RGS6: variants seen among roughly 807,000 people sequenced by gnomAD.
RGS6 encodes the protein regulator of G protein signaling 6.
In RGS6, 30 loss-of-function variants were observed where a neutral mutation model predicts 78.5. The ratio of observed to expected loss-of-function variants is 0.38; its 90% CI spans 0.29 to 0.52. The LOEUF is 0.52. Among genes scored for constraint, RGS6 ranks in the 20% least tolerant of loss-of-function variants. The pLI, the probability that RGS6 is intolerant of heterozygous loss-of-function variation, is 0.85. For synonymous variants in RGS6, 206 were observed against 206.0 expected, an observed-to-expected ratio of 1.00 and a Z score of 0.00; for missense variants, 495 against 609.7, an observed-to-expected ratio of 0.81 and a Z score of 1.98.
intron 2 of RGS6, among the ~76,000 whole-genome samples, chr14:72,287,859 G>A (rs919442776): frequency 6.6e-6 from 1 of 152,162 alleles, no homozygotes; most frequent in Non-Finnish European, 1.5e-5. Context: ...ATGATTGTGT[G>A]ATTTTTGTCC....
intron 2 of RGS6, among the ~76,000 whole-genome samples, chr14:72,158,861 AGAGCT>A (rs3055002): frequency 0.56 from 84,383 of 151,414 alleles, 23,909 homozygotes; most frequent in Non-Finnish European, 0.61. Flanking sequence ...CAAGGGCTCT[AGAGCT>A]TTCTGCCTGG....
chr14:72,442,247 G>C (rs1446159972), intron 3 of RGS6, among the ~76,000 whole-genome samples: 1 of 152,084 alleles, frequency 6.6e-6, no homozygotes, highest in African/African-American at 2.4e-5. Context: ...ATAGGGACTT[G>C]CTGTGAAACC....
At chr14:72,383,582 T>TAAA (rs1179923396) in intron 3 of RGS6, among the ~76,000 whole-genome samples, 1 of 152,160 alleles carries the variant, frequency 6.6e-6, no homozygotes, top group Non-Finnish European at 1.5e-5. Context: ...AAACAGACAG[T>TAAA]ATTTCTGCAT....
At chr14:72,417,297 C>T (rs1394540037) in intron 3 of RGS6, among the ~76,000 whole-genome samples, 1 of 152,116 alleles carries the variant, frequency 6.6e-6, no homozygotes, top group African/African-American at 2.4e-5. Context: ...AGATGACTGC[C>T]CCCCCACCAA....
At position 71,972,426 on chromosome 14, in the gene RGS6, A is replaced by G. The variant is rs533435111; in HGVS notation, c.84+7551A>G. On this transcript the variant is annotated intron_variant, in intron 2 of 17. Transcript: ENST00000553525. ...AAATACATTTTCCTTAAATTGTCCT[A>G]TGTATATCATCTGTTTACCAATAAG... is the stretch of plus-strand genomic sequence containing the variant. Among the ~76,000 whole-genome samples the G allele has an allele frequency of 7.2e-5, 11 of 152,048 alleles. No homozygotes were observed. The South Asian group carries it at 8.3e-4, about 11-fold the overall frequency.
intron 15 of RGS6, among the ~76,000 whole-genome samples, chr14:72,521,173 TAC>T (rs1252693362): frequency 1.3e-5 from 2 of 152,226 alleles, no homozygotes; most frequent in South Asian, 2.1e-4. Flanking sequence ...GCTTGTTTCT[TAC>T]ACCTGTGCCT....
intron 2 of RGS6, among the ~76,000 whole-genome samples, chr14:72,119,429 G>A (rs979956386): frequency 1.3e-5 from 2 of 152,170 alleles, no homozygotes; most frequent in Non-Finnish European, 2.9e-5. Flanking sequence ...GTTTTGTTGG[G>A]GGCAGGATTT....
chr14:72,472,902 G>A lies in RGS6; in HGVS notation c.567G>A (p.Arg189=), dbSNP rs1316636403. The change falls in exon 9 of 18, where the codon AGG becomes AGA. Residue 189 remains arginine (R), a synonymous_variant. Coordinates refer to ENST00000553525, the MANE Select transcript of RGS6 (RefSeq NM_001204424.2). ...KIDRKKDKTE[R]KILDSQERAF... ...ACCGGAAAAAAGACAAGACAGAAAG[G>A]AAAATTTTGGATAGTCAAGAACGAG... 9.3e-6 allele frequency: 15 copies of A among 1,613,248 alleles called. No homozygotes were observed. Among genetic ancestry groups the A allele is most frequent in the Non-Finnish European group, 1.3e-5 (15 of 1,179,596 alleles).
intron 2 of RGS6, among the ~76,000 whole-genome samples, chr14:72,089,254 A>G (rs2095176076): frequency 1.3e-5 from 2 of 152,236 alleles, no homozygotes; most frequent in South Asian, 2.1e-4. Flanking sequence ...TGCCACCTAT[A>G]GAACCAAATT....
At chr14:71,992,118 C>T (rs1340233472) in intron 2 of RGS6, among the ~76,000 whole-genome samples, 1 of 151,730 alleles carries the variant, frequency 6.6e-6, no homozygotes, top group Admixed American at 6.6e-5. Context: ...GCAACCTCCA[C>T]CTCCTGGGTT....
At chr14:72,198,766 G>T (rs1199683486) in intron 2 of RGS6, among the ~76,000 whole-genome samples, 1 of 152,238 alleles carries the variant, frequency 6.6e-6, no homozygotes, top group Admixed American at 6.5e-5. Context: ...GAGTCCACCT[G>T]CCTTGGTCTC....
At chr14:71,885,035 A>G in the RGS6 span, among the ~76,000 whole-genome samples, 5 of 152,196 alleles carry the variant, frequency 3.3e-5, no homozygotes, top group Admixed American at 3.3e-4. Flanking sequence ...CTGCAAATGT[A>G]GCAGCTTTCT....
intron 3 of RGS6, among the ~76,000 whole-genome samples, chr14:72,359,365 TA>T (rs776828580): frequency 5.9e-5 from 9 of 151,580 alleles, no homozygotes; most frequent in East Asian, 3.9e-4. Flanking sequence ...AATACTATAA[TA>T]GGGGTGCCAG....
At chr14:72,068,283 C>G (rs1391766275) in intron 2 of RGS6, among the ~76,000 whole-genome samples, 5 of 151,352 alleles carry the variant, frequency 3.3e-5, no homozygotes, top group African/African-American at 1.2e-4. Flanking sequence ...TACAGGCATG[C>G]ACCACCACAC....
chr14:71,927,987 T>G (rs183038033), upstream of RGS6, among the ~76,000 whole-genome samples: 31 of 152,112 alleles, frequency 2.0e-4, no homozygotes, highest in Admixed American at 2.0e-3. Context: ...ACCTCAGAAA[T>G]GATTACCATC....
intron 3 of RGS6, among the ~76,000 whole-genome samples, chr14:72,443,390 G>A (rs967060649): frequency 2.6e-5 from 4 of 152,176 alleles, no homozygotes; most frequent in African/African-American, 7.2e-5. Flanking sequence ...GACCTCCTCC[G>A]TTCCAAAGTG....
intron 11 of RGS6, 132 bp from the exon 12 acceptor site, chr14:72,478,136 T>C (rs912242683): frequency 4.6e-6 from 3 of 656,780 alleles, no homozygotes. Context: ...AGGGCAGAGC[T>C]GAGGGAGTTG....
chr14:72,156,307 G>T lies in RGS6; in HGVS notation c.84+191432G>T, dbSNP rs183882021. Reference sequence around the variant, plus strand: ...TAAAGATACAAAAAATTAGCTGGGCGTGGTGGCACGGGCCTGTAATCCCAG... The same window carrying T: ...TAAAGATACAAAAAATTAGCTGGGCTTGGTGGCACGGGCCTGTAATCCCAG... On this transcript the variant is annotated intron_variant, in intron 2 of 17. Coordinates refer to ENST00000553525, the MANE Select transcript of RGS6 (RefSeq NM_001204424.2). Among the ~76,000 whole-genome samples the T allele has an allele frequency of 6.6e-3, 1,002 of 152,164 alleles. 32 individuals carry two copies. The highest frequency in any genetic ancestry group is 0.059 in the Admixed American group (901 of 15,272).
intron 3 of RGS6, among the ~76,000 whole-genome samples, chr14:72,395,251 C>A (rs2152965945): frequency 6.6e-6 from 1 of 152,220 alleles, no homozygotes; most frequent in African/African-American, 2.4e-5. Flanking sequence ...ATCTCACCTT[C>A]CAGAAATAAC....
Sources: gnomAD v4.1 joint callset for allele counts (sites outside exome capture counted in the v4.1 genomes callset) on GRCh38, gnomAD v4.1.1 for gene constraint, MANE v1.5 for transcripts, NCBI Gene and HGNC (gene_info 2026-07-23, HGNC 2026-07-21) for gene names.